DDX4: variants seen among roughly 807,000 people sequenced by gnomAD.
DDX4 encodes probable ATP-dependent RNA helicase DDX4.
DDX4 carries 25 observed loss-of-function variants against 100.0 expected under a neutral mutation model. The ratio of observed to expected loss-of-function variants is 0.25; its 90% CI spans 0.18 to 0.35. The LOEUF is 0.35. Ranked by LOEUF, DDX4 falls within the 10% of genes least tolerant of loss-of-function variation. The probability of loss-of-function intolerance (pLI) is 1.00; values close to 1 mark genes in which losing one functional copy is unlikely to be tolerated. For synonymous variants in DDX4, 259 were observed against 275.7 expected, an observed-to-expected ratio of 0.94 and a Z score of 0.60; for missense variants, 635 against 882.4, an observed-to-expected ratio of 0.72 and a Z score of 3.55.
chr5:55,765,381 G>A (rs1295973701), intron 6 of DDX4, among the ~76,000 whole-genome samples: 106 of 77,724 alleles, frequency 1.4e-3, no homozygotes, highest in Non-Finnish European at 1.8e-3. Context: ...TTCTTTTTTC[G>A]TTTTTAGTTC....
chr5:55,774,514 C>T (rs1444125774), intron 7 of DDX4, among the ~76,000 whole-genome samples: 1 of 152,146 alleles, frequency 6.6e-6, no homozygotes, highest in African/African-American at 2.4e-5. Flanking sequence ...CCCTTTGAAA[C>T]ACTAAAATTT....
At chr5:55,798,258 A>G (rs545371828) in intron 17 of DDX4, among the ~76,000 whole-genome samples, 168 bp from the exon 18 acceptor site, 1 of 152,188 alleles carries the variant, frequency 6.6e-6, no homozygotes, top group South Asian at 2.1e-4. Context: ...AATATTTTAT[A>G]CTGATCTTTC....
intron 18 of DDX4, among the ~76,000 whole-genome samples, chr5:55,803,030 T>C (rs1021624213): frequency 4.6e-5 from 7 of 152,026 alleles, no homozygotes; most frequent in African/African-American, 1.7e-4. Flanking sequence ...ACATGTGCCA[T>C]GTTGGTGTGC....
At chr5:55,794,187 T>C (rs539345681) in intron 17 of DDX4, among the ~76,000 whole-genome samples, 3 of 150,776 alleles carry the variant, frequency 2.0e-5, no homozygotes, top group East Asian at 1.9e-4. Flanking sequence ...TTCTTTCTTT[T>C]TTTTTTTTTT....
intron 3 of DDX4, among the ~76,000 whole-genome samples, chr5:55,759,197 C>T (rs1760138795): frequency 6.6e-6 from 1 of 151,884 alleles, no homozygotes; most frequent in Non-Finnish European, 1.5e-5. Flanking sequence ...ATTTCCTTTA[C>T]TTTTGTGTGA....
rs564189591 is a variant in DDX4, at chr5:55,815,327, T to C, written c.2001T>C (p.Val667=). ...VKVLTDAQQD[V]PAWLEEIAFS... is the part of the protein sequence containing the mutation. ...TTTTTTTAAAGGCTCAACAGGATGT[T>C]CCTGCATGGTTGGAAGAAATTGCCT... Residue 667 remains valine, a synonymous_variant, in exon 21 of 22, where the codon GTT becomes GTC. Transcript: ENST00000505374. 314 of 1,611,946 alleles carry C rather than the reference T, an allele frequency of 1.9e-4. No individual in the cohort carries two copies. Among genetic ancestry groups the C allele is most frequent in the Non-Finnish European group, 2.6e-4 (310 of 1,179,586 alleles).
intron 2 of DDX4, among the ~76,000 whole-genome samples, chr5:55,740,795 C>T (rs1758938063): frequency 2.6e-5 from 4 of 151,734 alleles, no homozygotes; most frequent in Admixed American, 2.6e-4. Context: ...GCTGGGATTA[C>T]AGGCATGGGC....
intron 3 of DDX4, among the ~76,000 whole-genome samples, chr5:55,750,584 T>C (rs530887510): frequency 5.3e-5 from 8 of 152,190 alleles, no homozygotes; most frequent in Non-Finnish European, 1.2e-4. Flanking sequence ...ATCTTGATAG[T>C]ATAGATTGTT....
intron 3 of DDX4, among the ~76,000 whole-genome samples, chr5:55,752,044 T>C (rs1759585491): frequency 6.6e-6 from 1 of 152,182 alleles, no homozygotes; most frequent in South Asian, 2.1e-4. Flanking sequence ...TCTTTGACGC[T>C]AAAGTTTTTC....
chr5:55,816,669 T>A lies in DDX4; in HGVS notation c.*129T>A. The A allele has an allele frequency of 2.1e-6, 3 of 1,424,364 alleles. No individual in the cohort carries two copies. Among genetic ancestry groups the A allele is most frequent in the Middle Eastern group, 2.2e-4 (1 of 4,612 alleles). The allele number at this position is 1,424,364 out of a possible 1,614,324, so 88.2% of individuals were successfully genotyped here. A position where few individuals can be genotyped will look rare whatever the true frequency, so the allele number is the denominator to read the frequency against. On this transcript the variant is annotated 3_prime_UTR_variant, in exon 22 of 22. Transcript: ENST00000505374. ...TGTCCTTGTATTCTCACTCCTACAC[T>A]TAAAAAAAAAATCCTTACTGACTAG...
chr5:55,777,105 G>C (rs906653437), intron 7 of DDX4, among the ~76,000 whole-genome samples: 4 of 152,164 alleles, frequency 2.6e-5, no homozygotes, highest in African/African-American at 4.8e-5. Flanking sequence ...AAGGAAGGTA[G>C]ATTGAAAATA....
chr5:55,816,448 TTA>T lies in DDX4; in HGVS notation c.2098-14_2098-13del. 1 of 1,568,768 alleles carries T rather than the reference TTA, an allele frequency of 6.4e-7. No homozygotes were observed. Among genetic ancestry groups the T allele is most frequent in the Admixed American group, 1.9e-5 (1 of 54,006 alleles). On this transcript the variant is annotated splice_polypyrimidine_tract_variant and intron_variant, in intron 21 of 21. Transcript: ENST00000505374. The stretch of plus-strand genomic sequence containing the variant: ...TTTGTTTGTTTCTTTTTTTTTTTTT[TTA>T]AATAATTACCAGGGCAAGAGCACTT...
intron 17 of DDX4, among the ~76,000 whole-genome samples, chr5:55,793,809 C>G (rs891736331): frequency 5.3e-5 from 8 of 152,198 alleles, no homozygotes; most frequent in African/African-American, 1.7e-4. Flanking sequence ...ACTGTTTTTT[C>G]TGCAGACAGT....
intron 15 of DDX4, among the ~76,000 whole-genome samples, chr5:55,788,819 A>T (rs1455830800): frequency 6.6e-6 from 1 of 152,000 alleles, no homozygotes; most frequent in Non-Finnish European, 1.5e-5. Context: ...TAATCCTAGC[A>T]CTTTGGGAGG....
chr5:55,767,921 A>C lies in DDX4; in HGVS notation c.375A>C (p.Arg125Ser), dbSNP rs570373422. ...NDCEDNPTRN[R>S]GFSKRGGYRD... ...GCGAAGATAATCCAACACGGAACAG[A>C]GGGTTTTCCAAGAGAGGCGGTAAGG... Residue 125 changes from arginine (R) to serine (S), a missense_variant, in exon 7 of 22, where the codon AGA (arginine) becomes AGC (serine). Arg to Ser is a moderately radical substitution (Grantham distance 110, BLOSUM62 -1). Coordinates refer to ENST00000505374, the MANE Select transcript of DDX4 (RefSeq NM_024415.3). The C allele has an allele frequency of 4.4e-5, 71 of 1,613,920 alleles. No individual in the cohort carries two copies. The highest frequency in any genetic ancestry group is 5.9e-5 in the Non-Finnish European group (70 of 1,179,942).
intron 21 of DDX4, among the ~76,000 whole-genome samples, chr5:55,815,882 A>G (rs1313558058): frequency 2.0e-5 from 3 of 147,604 alleles, no homozygotes; most frequent in African/African-American, 2.5e-5. Flanking sequence ...AACAATTCTC[A>G]TGCCTCAGCC....
At chr5:55,744,302 A>AAT (rs1176132920) in intron 2 of DDX4, among the ~76,000 whole-genome samples, 1 of 152,212 alleles carries the variant, frequency 6.6e-6, no homozygotes, top group African/African-American at 2.4e-5. Context: ...TAACTGTTGT[A>AAT]ATATAGTTAG....
At chr5:55,761,009 C>A (rs1316800759) in intron 4 of DDX4, among the ~76,000 whole-genome samples, 1 of 152,068 alleles carries the variant, frequency 6.6e-6, no homozygotes, top group Non-Finnish European at 1.5e-5. Context: ...TTTTGAAAAA[C>A]TCTATTGAGA....
intron 18 of DDX4, among the ~76,000 whole-genome samples, chr5:55,800,371 T>C (rs1743219121): frequency 6.6e-6 from 1 of 151,078 alleles, no homozygotes; most frequent in Non-Finnish European, 1.5e-5. Context: ...TCACCCAGGC[T>C]GGAGTACAGT....
Sources: allele counts gnomAD v4.1 joint callset (sites outside exome capture counted in the v4.1 genomes callset), GRCh38; gene constraint gnomAD v4.1.1; transcripts MANE v1.5; gene names NCBI Gene and HGNC (gene_info 2026-07-23, HGNC 2026-07-21).